Variants in TBCEL observed in about 807,000 individuals in gnomAD.
TBCEL encodes the protein tubulin-specific chaperone cofactor E-like protein.
TBCEL carries 15 observed loss-of-function variants against 44.2 expected under a neutral mutation model. The ratio of observed to expected loss-of-function variants is 0.34; its 90% CI spans 0.23 to 0.52. The LOEUF (loss-of-function observed/expected upper bound fraction) is 0.52. Among genes scored for constraint, TBCEL ranks in the 20% least tolerant of loss-of-function variants. The pLI, the probability that TBCEL is intolerant of heterozygous loss-of-function variation, is 0.95. For missense variants in TBCEL, 319 were observed against 506.3 expected, an observed-to-expected ratio of 0.63 and a Z score of 3.55; for synonymous variants, 171 against 185.4, an observed-to-expected ratio of 0.92 and a Z score of 0.63.
intron 6 of TBCEL, chr11:121,057,408 A>T (rs539037003): frequency 9.6e-6 from 3 of 312,182 alleles, no homozygotes; most frequent in African/African-American, 6.6e-5. Flanking sequence ...TCTCATAGCT[A>T]TAAGAAGAGT....
At position 121,090,266 on chromosome 11, in the gene TBCEL, A is replaced by G. The variant is rs1255129606; in HGVS notation, c.*3170A>G. The G allele has an allele frequency of 1.3e-5, 2 of 152,194 alleles. No homozygotes were observed. The allele number at this position is 152,194 out of a possible 1,614,324, so 9.4% of individuals were successfully genotyped here. A position where few individuals can be genotyped will look rare whatever the true frequency, so the allele number is the denominator to read the frequency against. On this transcript the variant is annotated 3_prime_UTR_variant, in exon 9 of 9. Coordinates refer to ENST00000683345, the MANE Select transcript of TBCEL (RefSeq NM_001363644.2). ...GATGTTCCAGCTATGTTACTCAACCAGCAGTGGTAGGAGCAGAGAGCACTT... is the reference window on the plus strand; with the variant it reads ...GATGTTCCAGCTATGTTACTCAACCGGCAGTGGTAGGAGCAGAGAGCACTT...
At chr11:121,034,227 T>C (rs1218108110) in intron 1 of TBCEL, among the ~76,000 whole-genome samples, 1 of 152,182 alleles carries the variant, frequency 6.6e-6, no homozygotes, top group Non-Finnish European at 1.5e-5. Context: ...AGTGCACATA[T>C]ATTAATATTG....
chr11:121,077,302 T>C (rs1170822041), intron 8 of TBCEL, among the ~76,000 whole-genome samples: 1 of 152,118 alleles, frequency 6.6e-6, no homozygotes, highest in African/African-American at 2.4e-5. Context: ...GAATTAAATT[T>C]ATTTAATGGA....
chr11:121,058,111 G>A (rs1305506407), intron 6 of TBCEL, among the ~76,000 whole-genome samples: 4 of 151,814 alleles, frequency 2.6e-5, no homozygotes, highest in African/African-American at 7.2e-5. Flanking sequence ...GAGGATGTTA[G>A]ACAATAACAC....
At chr11:121,027,803 G>A (rs1207387012) in intron 1 of TBCEL, among the ~76,000 whole-genome samples, 1 of 152,100 alleles carries the variant, frequency 6.6e-6, no homozygotes, top group African/African-American at 2.4e-5. Flanking sequence ...ATAAATGCGT[G>A]GTGAACAGGA....
chr11:121,025,978 A>C (rs1008127669), intron 1 of TBCEL, among the ~76,000 whole-genome samples: 1 of 152,170 alleles, frequency 6.6e-6, no homozygotes, highest in African/African-American at 2.4e-5. Context: ...TAGTTGCTTT[A>C]TCACAACATA....
intron 1 of TBCEL, among the ~76,000 whole-genome samples, chr11:121,027,897 C>G (rs1050551718): frequency 6.6e-6 from 1 of 152,112 alleles, no homozygotes; most frequent in African/African-American, 2.4e-5. Context: ...TCAGAATTGA[C>G]TGAACGTATG....
chr11:121,064,022 G>C (rs143058099), intron 8 of TBCEL, among the ~76,000 whole-genome samples: 315 of 152,232 alleles, frequency 2.1e-3, no homozygotes, highest in African/African-American at 7.1e-3. Flanking sequence ...TTTTAAGTGG[G>C]GCTTGTGGGT....
chr11:121,090,501 C>G lies in TBCEL; in HGVS notation c.*3405C>G, dbSNP rs1293530883. Reference sequence around the variant, plus strand: ...GCAAACAAACTGCTCTCAAGAACACCCAGAAGCTATCTGTGTTACCAGATG... The same window carrying G: ...GCAAACAAACTGCTCTCAAGAACACGCAGAAGCTATCTGTGTTACCAGATG... On this transcript the variant is annotated 3_prime_UTR_variant, in exon 9 of 9. Transcript: ENST00000683345. 1 of 151,990 alleles carries G rather than the reference C, an allele frequency of 6.6e-6. No individual in the cohort carries two copies. Among genetic ancestry groups the G allele is most frequent in the Non-Finnish European group, 1.5e-5 (1 of 68,000 alleles). 9.4% of individuals were successfully genotyped at this position (151,990 alleles called of 1,614,324 possible).
intron 8 of TBCEL, among the ~76,000 whole-genome samples, chr11:121,063,184 G>A (rs1434178779): frequency 2.0e-5 from 3 of 152,034 alleles, no homozygotes; most frequent in Non-Finnish European, 4.4e-5. Context: ...TAGGGAGGTG[G>A]ATTATCTGCT....
intron 1 of TBCEL, among the ~76,000 whole-genome samples, chr11:121,024,523 C>G (rs1945009713): frequency 8.6e-6 from 1 of 116,932 alleles, no homozygotes; most frequent in South Asian, 3.2e-4. Context: ...CTGGGAGGGT[C>G]TTGGGCTGGG....
At chr11:121,044,071 C>T (rs1037818132) in intron 2 of TBCEL, among the ~76,000 whole-genome samples, 2 of 151,982 alleles carry the variant, frequency 1.3e-5, no homozygotes, top group Non-Finnish European at 2.9e-5. Context: ...TTGACTTTAC[C>T]TTCTCCCTCA....
chr11:121,048,343 T>C (rs1945470576), intron 4 of TBCEL, among the ~76,000 whole-genome samples: 1 of 151,952 alleles, frequency 6.6e-6, no homozygotes, highest in Admixed American at 6.6e-5. Context: ...TGTCTTGACC[T>C]CAGAGTAACT....
intron 8 of TBCEL, among the ~76,000 whole-genome samples, chr11:121,065,435 T>C (rs1236368513): frequency 6.6e-6 from 1 of 152,110 alleles, no homozygotes; most frequent in East Asian, 1.9e-4. Flanking sequence ...ATACCTCCAT[T>C]CCAATTCTCC....
At chr11:121,025,467 C>G (rs1425013903) in intron 1 of TBCEL, among the ~76,000 whole-genome samples, 1 of 151,750 alleles carries the variant, frequency 6.6e-6, no homozygotes, top group Non-Finnish European at 1.5e-5. Flanking sequence ...CTAGTACATA[C>G]GTAGGTATGA....
In TBCEL at chr11:121,068,457, C is replaced by T. The variant is rs532253510; in HGVS notation, c.956+8372C>T. Reference sequence around the variant, plus strand: ...GACTACTGCTTCCTATCATTTTAGTCCAAATCCTTCATCATATCTTACTTG... The same window carrying T: ...GACTACTGCTTCCTATCATTTTAGTTCAAATCCTTCATCATATCTTACTTG... On this transcript the variant is annotated intron_variant, in intron 8 of 8. Coordinates refer to ENST00000683345, the MANE Select transcript of TBCEL (RefSeq NM_001363644.2). Among the ~76,000 whole-genome samples the T allele has an allele frequency of 1.3e-5, 2 of 151,848 alleles. 1 individual carries two copies. The highest frequency in any genetic ancestry group is 2.9e-5 in the Non-Finnish European group (2 of 67,956).
In TBCEL at chr11:121,090,271, T is replaced by TG. The variant is rs1390867529; in HGVS notation, c.*3177dup. ...TCCAGCTATGTTACTCAACCAGCAG[T>TG]GGTAGGAGCAGAGAGCACTTGCACT... On this transcript the variant is annotated 3_prime_UTR_variant, in exon 9 of 9. Coordinates refer to ENST00000683345, the MANE Select transcript of TBCEL (RefSeq NM_001363644.2). 1 of 152,108 alleles carries TG rather than the reference T, an allele frequency of 6.6e-6. No homozygotes were observed. Among genetic ancestry groups the TG allele is most frequent in the East Asian group, 1.9e-4 (1 of 5,198 alleles). The allele number at this position is 152,108 out of a possible 1,614,324, so 9.4% of individuals were successfully genotyped here.
At chr11:121,085,273 C>T (rs544148439) in intron 8 of TBCEL, among the ~76,000 whole-genome samples, 11 of 152,150 alleles carry the variant, frequency 7.2e-5, no homozygotes, top group Admixed American at 2.6e-4. Context: ...CTCCTGACCT[C>T]GTGATCTGCC....
chr11:121,050,729 C>G (rs1312328021), intron 4 of TBCEL, among the ~76,000 whole-genome samples: 1 of 151,662 alleles, frequency 6.6e-6, no homozygotes, highest in Non-Finnish European at 1.5e-5. Context: ...AGATTGTTGT[C>G]TTAAAACCCT....
Sources: allele counts gnomAD v4.1 joint callset (sites outside exome capture counted in the v4.1 genomes callset), GRCh38; gene constraint gnomAD v4.1.1; transcripts MANE v1.5; gene names NCBI Gene and HGNC (gene_info 2026-07-23, HGNC 2026-07-21).